TTLL11: variants seen among roughly 807,000 people sequenced by gnomAD.
TTLL11 encodes the protein tubulin tyrosine ligase like 11.
A neutral mutation model predicts 51.7 loss-of-function variants in TTLL11; 42 were observed. The observed-to-expected ratio is 0.81, with a 90% CI of 0.64 to 1.05. TTLL11 has a LOEUF of 1.05. Ranked by LOEUF, TTLL11 falls within the 50% of genes least tolerant of loss-of-function variation. TTLL11 has a pLI of 0.00. For synonymous variants in TTLL11, 381 were observed against 383.5 expected (o/e 0.99, Z 0.08); for missense variants, 799 against 940.4 (o/e 0.85, Z 1.97).
At chr9:121,959,162 G>T (rs1842128158) in intron 6 of TTLL11, among the ~76,000 whole-genome samples, 1 of 152,174 alleles carries the variant, frequency 6.6e-6, no homozygotes, top group Non-Finnish European at 1.5e-5. Context: ...GTGGAACAGG[G>T]TTAAGAATGC....
intron 6 of TTLL11, 107 bp from the exon 7 acceptor site, chr9:121,870,855 T>A (rs1838334413): frequency 7.8e-7 from 1 of 1,283,074 alleles, no homozygotes; most frequent in Non-Finnish European, 1.0e-6. Flanking sequence ...TTTTTTATTT[T>A]ACAGACAGCA....
chr9:121,920,084 T>A (rs2131523236), intron 6 of TTLL11, among the ~76,000 whole-genome samples: 1 of 152,150 alleles, frequency 6.6e-6, no homozygotes, highest in East Asian at 1.9e-4. Context: ...GGCAGATTGC[T>A]TGAGCTCAGG....
intron 6 of TTLL11, among the ~76,000 whole-genome samples, chr9:121,914,237 G>A (rs142456901): frequency 6.6e-6 from 1 of 152,118 alleles, no homozygotes; most frequent in African/African-American, 2.4e-5. Flanking sequence ...TTAATATATC[G>A]TCTACAGCCA....
intron 6 of TTLL11, among the ~76,000 whole-genome samples, chr9:121,930,004 T>A (rs776536571): frequency 5.9e-5 from 9 of 152,228 alleles, no homozygotes; most frequent in Non-Finnish European, 1.3e-4. Context: ...ATTTTGGTGA[T>A]TAATGGAACA....
intron 3 of TTLL11, among the ~76,000 whole-genome samples, chr9:122,030,200 A>T (rs1353058336): frequency 1.3e-5 from 1 of 76,014 alleles, no homozygotes; most frequent in Middle Eastern, 6.8e-3. Context: ...GAAGAGAGAC[A>T]TTGGGGGGGG....
intron 1 of TTLL11, among the ~76,000 whole-genome samples, chr9:122,087,035 A>G (rs913886803): frequency 2.0e-5 from 3 of 152,208 alleles, no homozygotes; most frequent in Non-Finnish European, 4.4e-5. Flanking sequence ...AAAACTGGCT[A>G]CAAGCCCAGG....
intron 1 of TTLL11, among the ~76,000 whole-genome samples, chr9:122,048,757 C>T (rs1845082424): frequency 1.3e-5 from 2 of 152,186 alleles, no homozygotes. Flanking sequence ...TCTGACTGGG[C>T]TTGCCCATCC....
At chr9:121,831,466 C>T (rs1428840237) in intron 8 of TTLL11, among the ~76,000 whole-genome samples, 4 of 152,148 alleles carry the variant, frequency 2.6e-5, no homozygotes, top group East Asian at 1.9e-4. Flanking sequence ...TTTGGGAGGC[C>T]GAGGTGGGTG....
chr9:122,055,770 T>C (rs7045782), intron 1 of TTLL11, among the ~76,000 whole-genome samples: 39,679 of 152,144 alleles, frequency 0.26, 5,672 homozygotes, highest in African/African-American at 0.35. Context: ...ATAGCCATCA[T>C]ATCCTCATTT....
chr9:121,857,467 G>T (rs7867949), intron 8 of TTLL11, among the ~76,000 whole-genome samples: 22,643 of 152,110 alleles, frequency 0.15, 3,226 homozygotes, highest in African/African-American at 0.38. Context: ...GGAACCTTAG[G>T]GTACTCATCT....
chr9:121,980,185 TC>T (rs748906913), intron 4 of TTLL11, among the ~76,000 whole-genome samples: 2 of 149,956 alleles, frequency 1.3e-5, no homozygotes, highest in African/African-American at 2.5e-5. Context: ...GGGGGGCCTT[TC>T]TTTTTTCATT....
intron 3 of TTLL11, among the ~76,000 whole-genome samples, chr9:122,005,098 G>A (rs549702776): frequency 2.6e-4 from 39 of 152,280 alleles, no homozygotes; most frequent in Admixed American, 3.3e-4. Flanking sequence ...GTCAACTCAG[G>A]AATATTTTAA....
chr9:122,012,705 A>G (rs1019740299), intron 3 of TTLL11, among the ~76,000 whole-genome samples: 2 of 150,974 alleles, frequency 1.3e-5, no homozygotes, highest in African/African-American at 4.9e-5. Context: ...CACACACACC[A>G]AGTTAAGCCA....
intron 7 of TTLL11, among the ~76,000 whole-genome samples, chr9:121,867,847 G>C (rs1038981884): frequency 1.3e-5 from 2 of 152,168 alleles, no homozygotes; most frequent in Non-Finnish European, 2.9e-5. Flanking sequence ...CTATCTGTTA[G>C]ACTGACAGTC....
At chr9:121,977,454 C>T (rs1240372358) in intron 4 of TTLL11, among the ~76,000 whole-genome samples, 3 of 152,138 alleles carry the variant, frequency 2.0e-5, no homozygotes, top group African/African-American at 7.2e-5. Flanking sequence ...CTATCTCTTT[C>T]CAGTTTCCTG....
chr9:122,005,205 C>T (rs1051232014), intron 3 of TTLL11, among the ~76,000 whole-genome samples: 4 of 152,134 alleles, frequency 2.6e-5, no homozygotes, highest in South Asian at 2.1e-4. Flanking sequence ...ATCATCTGTC[C>T]GGGTGCGGAG....
intron 3 of TTLL11, among the ~76,000 whole-genome samples, chr9:122,011,253 T>C (rs1350321631): frequency 6.6e-6 from 1 of 152,200 alleles, no homozygotes; most frequent in African/African-American, 2.4e-5. Context: ...CCATTAAACC[T>C]CTTTTTCTTA....
chr9:122,049,172 TGTC>T (rs377342309), intron 1 of TTLL11, among the ~76,000 whole-genome samples: 12 of 152,348 alleles, frequency 7.9e-5, no homozygotes, highest in African/African-American at 2.6e-4. Flanking sequence ...CTCAAATACA[TGTC>T]ATCATCATCA....
chr9:122,061,624 T>C (rs777620001), intron 1 of TTLL11, among the ~76,000 whole-genome samples: 12 of 152,258 alleles, frequency 7.9e-5, no homozygotes, highest in Non-Finnish European at 1.6e-4. Flanking sequence ...TAAGACTAAA[T>C]GTTTTTTTTT....
Sources: allele counts gnomAD v4.1 joint callset (sites outside exome capture counted in the v4.1 genomes callset), GRCh38; gene constraint gnomAD v4.1.1; transcripts MANE v1.5; gene names NCBI Gene and HGNC (gene_info 2026-07-23, HGNC 2026-07-21).